Variants in TMEM247 observed in about 807,000 individuals in gnomAD.
The protein encoded by TMEM247 is transmembrane protein ENSP00000343375.
TMEM247 carries 23 observed loss-of-function variants against 20.7 expected under a neutral mutation model. The ratio of observed to expected loss-of-function variants is 1.11; its 90% CI spans 0.80 to 1.57. The LOEUF is 1.57. TMEM247 is among the 40% of genes most tolerant of loss of function. The pLI is 0.00. For synonymous variants in TMEM247, 106 were observed against 111.9 expected (o/e 0.95, Z 0.33); for missense variants, 354 against 283.8 (o/e 1.25, Z -1.78).
At chr2:46,481,502 G>A (rs565138397) in intron 2 of TMEM247, among the ~76,000 whole-genome samples, 1 of 152,330 alleles carries the variant, frequency 6.6e-6, no homozygotes, top group African/African-American at 2.4e-5. Flanking sequence ...GGATTAAAAT[G>A]CCAGTTATAA....
chr2:46,480,787 C>G (rs1221568637), intron 2 of TMEM247, 23 bp downstream of exon 2: 2 of 1,271,748 alleles, frequency 1.6e-6, no homozygotes, highest in Admixed American at 5.8e-5. Context: ...GAACGGGGCA[C>G]TGGGAGGAGG....
chr2:46,481,038 T>C (rs1442596092), intron 2 of TMEM247, among the ~76,000 whole-genome samples: 1 of 152,126 alleles, frequency 6.6e-6, no homozygotes, highest in South Asian at 2.1e-4. Context: ...GAGATGTGAC[T>C]CTCTAAGGAG....
In TMEM247 at chr2:46,480,647, C is replaced by A. The variant is rs1400257862; in HGVS notation, c.360C>A (p.Tyr120Ter). The A allele has an allele frequency of 2.9e-5, 37 of 1,288,118 alleles. No homozygotes were observed. In the East Asian group the frequency reaches 2.0e-3, roughly 70 times the overall value. 79.8% of individuals were successfully genotyped at this position (1,288,118 alleles called of 1,614,324 possible). A position where few individuals can be genotyped will look rare whatever the true frequency, so the allele number is the denominator to read the frequency against. ...AGTTCGAGCTCACGCGGCTCAAGTA[C>A]CTGCATGAGAAGAACCAGCGGCAGC... Residue 120 changes from tyrosine (Y) to a stop codon, truncating the protein, a stop_gained, in exon 2 of 3, where the codon TAC becomes TAA. Coordinates refer to ENST00000434431, the Ensembl canonical transcript of TMEM247. LOFTEE classifies it high-confidence loss of function.
chr2:46,483,592 G>A (rs1686931108), intron 2 of TMEM247, among the ~76,000 whole-genome samples: 1 of 152,226 alleles, frequency 6.6e-6, no homozygotes, highest in African/African-American at 2.4e-5. Flanking sequence ...GGCTCTTGGA[G>A]TCAGAGGGAG....
exon 3 of TMEM247, chr2:46,484,361 G>C: frequency 1.3e-6 from 2 of 1,552,230 alleles, no homozygotes; most frequent in Non-Finnish European, 1.7e-6. Flanking sequence ...CTTTCTCTTC[G>C]CCAAGCACTA....
intron 2 of TMEM247, among the ~76,000 whole-genome samples, chr2:46,481,506 G>T (rs1284949406): frequency 6.6e-6 from 1 of 152,192 alleles, no homozygotes; most frequent in Non-Finnish European, 1.5e-5. Flanking sequence ...TAAAATGCCA[G>T]TTATAAACTC....
At chr2:46,481,405 G>C (rs191928822) in intron 2 of TMEM247, among the ~76,000 whole-genome samples, 2 of 152,372 alleles carry the variant, frequency 1.3e-5, no homozygotes, top group African/African-American at 4.8e-5. Flanking sequence ...GAAGAGCTTA[G>C]CACAGTGGCT....
chr2:46,480,470 C>A (rs778385438), exon 2 of TMEM247: 1 of 1,551,594 alleles, frequency 6.4e-7, no homozygotes, highest in South Asian at 1.2e-5. Context: ...CTTGTGAGGA[C>A]GGAGGCTGCC....
exon 2 of TMEM247, chr2:46,480,422 G>A: frequency 6.5e-7 from 1 of 1,547,856 alleles, no homozygotes; most frequent in Non-Finnish European, 8.7e-7. Flanking sequence ...AGTCCCAGAA[G>A]CCAGACTCCT....
intron 2 of TMEM247, among the ~76,000 whole-genome samples, chr2:46,481,320 CAAG>C (rs1370896880): frequency 6.6e-6 from 1 of 152,184 alleles, no homozygotes; most frequent in Non-Finnish European, 1.5e-5. Context: ...CATCTTTTCA[CAAG>C]AAGTACACCA....
intron 2 of TMEM247, among the ~76,000 whole-genome samples, chr2:46,482,952 A>G (rs1397723283): frequency 6.6e-6 from 1 of 152,160 alleles, no homozygotes; most frequent in African/African-American, 2.4e-5. Context: ...CTTTTTGTGC[A>G]TTTACTAAAA....
In TMEM247 at chr2:46,483,984, T is replaced by C. The variant is rs372486715; in HGVS notation, c.478-260T>C. 1.3e-3 allele frequency among the ~76,000 whole-genome samples: 195 copies of C among 151,926 alleles called. 5 individuals carry two copies. The South Asian group carries it at 0.037, about 29-fold the overall frequency. ...AAATTTTTTTTTATAGAGATAGGGGTCTCACTACATTGCCCAGGCTGGTCT... is the reference window on the plus strand; with the variant it reads ...AAATTTTTTTTTATAGAGATAGGGGCCTCACTACATTGCCCAGGCTGGTCT... On this transcript the variant is annotated intron_variant, in intron 2 of 2. Coordinates refer to ENST00000434431, the Ensembl canonical transcript of TMEM247.
chr2:46,481,225 T>A (rs1686881979), intron 2 of TMEM247, among the ~76,000 whole-genome samples: 1 of 152,172 alleles, frequency 6.6e-6, no homozygotes, highest in Non-Finnish European at 1.5e-5. Flanking sequence ...CCCTGGCCAG[T>A]GGATTTTGAT....
chr2:46,484,348 C>T (rs1294062862), exon 3 of TMEM247: 3 of 1,552,372 alleles, frequency 1.9e-6, no homozygotes, highest in East Asian at 2.4e-5. Flanking sequence ...AGGAGATGGT[C>T]TTCTTTCTCT....
At chr2:46,482,637 A>C (rs1252510160) in intron 2 of TMEM247, among the ~76,000 whole-genome samples, 1 of 152,234 alleles carries the variant, frequency 6.6e-6, no homozygotes, top group African/African-American at 2.4e-5. Context: ...AGTCATAATG[A>C]TCACTCATCA....
Position 46,479,747 on chromosome 2 carries a change from G to A in TMEM247, c.117+45G>A, listed in dbSNP as rs147021964. On this transcript the variant is annotated intron_variant, in intron 1 of 2. Transcript: ENST00000434431. The stretch of plus-strand genomic sequence containing the variant: ...TCACCACCCCCGCCTATTCCGTCAG[G>A]GGGAGCAAGAATACTGTAGGAACAC... 9.2e-5 allele frequency: 126 copies of A among 1,375,478 alleles called. No homozygotes were observed. In the African/African-American group the frequency reaches 1.5e-3, roughly 17 times the overall value. 85.2% of individuals were successfully genotyped at this position (1,375,478 alleles called of 1,614,324 possible).
chr2:46,483,483 T>C (rs1686928080), intron 2 of TMEM247, among the ~76,000 whole-genome samples: 1 of 152,214 alleles, frequency 6.6e-6, no homozygotes, highest in African/African-American at 2.4e-5. Flanking sequence ...GTCATTTATA[T>C]GCAAGGGACA....
exon 2 of TMEM247, chr2:46,480,597 A>G: frequency 6.4e-7 from 1 of 1,551,290 alleles, no homozygotes; most frequent in Non-Finnish European, 8.7e-7. Flanking sequence ...CAATCCCGAG[A>G]TGGAGCTGGA....
chr2:46,483,563 A>G (rs1210873399), intron 2 of TMEM247, among the ~76,000 whole-genome samples: 3 of 152,162 alleles, frequency 2.0e-5, no homozygotes, highest in Non-Finnish European at 4.4e-5. Flanking sequence ...CACTCCCAAG[A>G]CCCAACATCC....
Sources: allele counts gnomAD v4.1 joint callset (sites outside exome capture counted in the v4.1 genomes callset), GRCh38; gene constraint gnomAD v4.1.1; transcripts MANE v1.5; gene names NCBI Gene and HGNC (gene_info 2026-07-23, HGNC 2026-07-21).